Variants in BDH1 observed in about 807,000 individuals in gnomAD.
BDH1 encodes the protein D-beta-hydroxybutyrate dehydrogenase, mitochondrial.
In BDH1, 30 loss-of-function variants were observed where a neutral mutation model predicts 33.1. That is an observed-to-expected ratio of 0.91 (90% confidence interval 0.68 to 1.23). BDH1 has a LOEUF of 1.23. Ranked by LOEUF, BDH1 falls within the 50% of genes most tolerant of loss-of-function variation. The probability of loss-of-function intolerance (pLI) is 0.00; values close to 1 mark genes in which losing one functional copy is unlikely to be tolerated. For synonymous variants in BDH1, 190 were observed against 183.6 expected (o/e 1.03, Z -0.28); for missense variants, 443 against 464.4 (o/e 0.95, Z 0.42).
intron 3 of BDH1, chr3:197,538,310 TC>T (rs1366404954): frequency 4.4e-6 from 2 of 456,482 alleles, no homozygotes; most frequent in Non-Finnish European, 8.8e-6. Context: ...ACTTACCTTT[TC>T]TGTATACCAT....
chr3:197,565,175 G>A (rs1045265806), intron 1 of BDH1, among the ~76,000 whole-genome samples: 4 of 152,258 alleles, frequency 2.6e-5, no homozygotes, highest in African/African-American at 9.6e-5. Context: ...ACCTGCCTTG[G>A]CCTCCCAAAG....
chr3:197,510,684 G>GTGTGTGTGTGTGTGTGT lies in BDH1; in HGVS notation c.*1210_*1211insACACACACACACACACA, dbSNP rs1560296905. 5.5e-4 allele frequency: 32 copies of GTGTGTGTGTGTGTGTGT among 58,710 alleles called. 2 individuals are homozygous for GTGTGTGTGTGTGTGTGT. Among genetic ancestry groups the GTGTGTGTGTGTGTGTGT allele is most frequent in the African/African-American group, 1.2e-3 (16 of 13,010 alleles). The allele number at this position is 58,710 out of a possible 1,614,324, so 3.6% of individuals were successfully genotyped here. On this transcript the variant is annotated 3_prime_UTR_variant, in exon 8 of 8. Coordinates refer to ENST00000392379, the MANE Select transcript of BDH1 (RefSeq NM_203314.3). The stretch of plus-strand genomic sequence containing the variant: ...TGTGTGTGTGTGTACATGTGTGTAA[G>GTGTGTGTGTGTGTGTGT]GTGTGTGTGTGTGTGTGTGTGTGTG...
chr3:197,524,046 G>A (rs1044281669), intron 5 of BDH1, among the ~76,000 whole-genome samples: 2 of 152,172 alleles, frequency 1.3e-5, no homozygotes, highest in Non-Finnish European at 2.9e-5. Context: ...GCTTTGTCAC[G>A]TGCACCCTCG....
At chr3:197,570,550 G>A (rs754056794) in intron 1 of BDH1, among the ~76,000 whole-genome samples, 2 of 152,222 alleles carry the variant, frequency 1.3e-5, no homozygotes, top group Non-Finnish European at 2.9e-5. Flanking sequence ...GGCACCCTAC[G>A]TCCCAGCTGC....
At position 197,554,109 on chromosome 3, in the gene BDH1, C is replaced by T. The variant is rs1278254820; in HGVS notation, c.-44+453G>A. On this transcript the variant is annotated intron_variant, in intron 2 of 7. Coordinates refer to ENST00000392379, the MANE Select transcript of BDH1 (RefSeq NM_203314.3). The surrounding 1 kb of genome is among the most constrained non-coding windows in gnomAD (Gnocchi z 4.4). The stretch of plus-strand genomic sequence containing the variant: ...AACAAGCCCTGTACTTTCCAATTTT[C>T]GAGCCTTGCTCATCCTATACCAAAC... 1.3e-5 allele frequency among the ~76,000 whole-genome samples: 2 copies of T among 152,220 alleles called. No homozygotes were observed. Among genetic ancestry groups the T allele is most frequent in the African/African-American group, 2.4e-5 (1 of 41,462 alleles).
chr3:197,527,933 C>G (rs924113170), intron 5 of BDH1, among the ~76,000 whole-genome samples: 3 of 152,192 alleles, frequency 2.0e-5, no homozygotes, highest in African/African-American at 7.2e-5. Flanking sequence ...GACACCCCGT[C>G]CACCATGCTT....
At chr3:197,546,192 G>T in intron 3 of BDH1, 169 bp downstream of exon 3, 1 of 618,272 alleles carries the variant, frequency 1.6e-6, no homozygotes, top group Non-Finnish European at 2.9e-6. Context: ...GTGTGCCCTG[G>T]GAAAATGTCT....
intron 1 of BDH1, among the ~76,000 whole-genome samples, chr3:197,562,738 A>G (rs1052986714): frequency 6.6e-6 from 1 of 152,048 alleles, no homozygotes; most frequent in Non-Finnish European, 1.5e-5. Context: ...CCTAGGCCAC[A>G]GCTCAATTCT....
intron 1 of BDH1, among the ~76,000 whole-genome samples, chr3:197,571,801 G>A (rs1219861973): frequency 6.6e-6 from 1 of 152,224 alleles, no homozygotes; most frequent in Admixed American, 6.5e-5. Flanking sequence ...AGTAGTTCAT[G>A]CCTGTAATCT....
intron 3 of BDH1, chr3:197,546,102 A>G (rs1716054673): frequency 2.9e-6 from 1 of 346,084 alleles, no homozygotes; most frequent in Non-Finnish European, 5.4e-6. Context: ...ACGCCACTGC[A>G]CTCCAGCCTG....
At chr3:197,558,842 C>T (rs1405392770), upstream of BDH1, among the ~76,000 whole-genome samples, 2 of 152,150 alleles carry the variant, frequency 1.3e-5, no homozygotes, top group African/African-American at 2.4e-5. Context: ...ACACTGGCAC[C>T]GCTCTCTAGC....
At position 197,509,972 on chromosome 3, in the gene BDH1, C is replaced by G. The variant is rs7433302; in HGVS notation, c.*1923G>C. 0.36 allele frequency: 54,461 copies of G among 152,300 alleles called. 10,259 individuals carry two copies. The highest frequency in any genetic ancestry group is 0.49 in the Middle Eastern group (144 of 296). The allele number at this position is 152,300 out of a possible 1,614,324, so 9.4% of individuals were successfully genotyped here. A position where few individuals can be genotyped will look rare whatever the true frequency, so the allele number is the denominator to read the frequency against. ...GGTTTCGGCCCTGCCTGCCTCCCCCCCTCCTCCTGGGGCAGCTGGGACAGG... is the reference window on the plus strand; with the variant it reads ...GGTTTCGGCCCTGCCTGCCTCCCCCGCTCCTCCTGGGGCAGCTGGGACAGG... On this transcript the variant is annotated 3_prime_UTR_variant, in exon 8 of 8. Transcript: ENST00000392379.
chr3:197,522,574 G>T lies in BDH1; in HGVS notation c.409+66C>A. 6.3e-7 allele frequency: 1 copy of T among 1,594,178 alleles called. No homozygotes were observed. The highest frequency in any genetic ancestry group is 8.6e-7 in the Non-Finnish European group (1 of 1,169,238). On this transcript the variant is annotated intron_variant, in intron 6 of 7. Transcript: ENST00000392379. This position sits in a 1 kb window ranked among gnomAD's most constrained non-coding sequence, Gnocchi z 4.8. Reference sequence around the variant, plus strand: ...GCAGGATGCCAGCCAGTGGAAGGTGGTGTTCGGCAAGTGCCCCTTGGAATG... The same window carrying T: ...GCAGGATGCCAGCCAGTGGAAGGTGTTGTTCGGCAAGTGCCCCTTGGAATG...
At position 197,522,622 on chromosome 3, in the gene BDH1, T is replaced by C. The variant is rs759203772; in HGVS notation, c.409+18A>G. On this transcript the variant is annotated intron_variant, in intron 6 of 7. Transcript: ENST00000392379. This position sits in a 1 kb window ranked among gnomAD's most constrained non-coding sequence, Gnocchi z 4.8. Reference sequence around the variant, plus strand: ...ATGGCCCCATACACAACCCCTGCCGTCCGAAGGGGCGCCCTACCTTTCTCA... The same window carrying C: ...ATGGCCCCATACACAACCCCTGCCGCCCGAAGGGGCGCCCTACCTTTCTCA... The C allele has an allele frequency of 6.2e-7, 1 of 1,613,672 alleles. No homozygotes were observed. The highest frequency in any genetic ancestry group is 1.1e-5 in the South Asian group (1 of 91,018).
intron 1 of BDH1, among the ~76,000 whole-genome samples, chr3:197,561,295 C>T (rs1176723753): frequency 1.3e-5 from 2 of 152,060 alleles, no homozygotes; most frequent in African/African-American, 2.4e-5. Context: ...CCTTGATCTC[C>T]CCAAATTTGG....
At chr3:197,513,659 G>A (rs185661309) in intron 7 of BDH1, among the ~76,000 whole-genome samples, 92 of 152,342 alleles carry the variant, frequency 6.0e-4, no homozygotes, top group African/African-American at 2.1e-3. Flanking sequence ...TGCAGTCTGT[G>A]TTCATGCTTG....
intron 1 of BDH1, among the ~76,000 whole-genome samples, chr3:197,567,807 G>A (rs1488839305): frequency 2.0e-5 from 3 of 152,172 alleles, no homozygotes; most frequent in African/African-American, 7.2e-5. Flanking sequence ...TAGAAGTCCT[G>A]TAAGTCTTCT....
At chr3:197,572,570 C>T (rs759144561) in intron 1 of BDH1, among the ~76,000 whole-genome samples, 6 of 152,100 alleles carry the variant, frequency 3.9e-5, no homozygotes, top group South Asian at 2.1e-4. Flanking sequence ...ATAAGCAGCC[C>T]GACCCTCAGT....
In BDH1 at chr3:197,520,931, C is replaced by T. The variant is rs193064338; in HGVS notation, c.409+1709G>A. 1.3e-5 allele frequency among the ~76,000 whole-genome samples: 2 copies of T among 152,212 alleles called. No homozygotes were observed. Among genetic ancestry groups the T allele is most frequent in the Admixed American group, 6.5e-5 (1 of 15,280 alleles). On this transcript the variant is annotated intron_variant, in intron 6 of 7. Transcript: ENST00000392379. The surrounding 1 kb of genome is among the most constrained non-coding windows in gnomAD (Gnocchi z 6.0). Reference sequence around the variant, plus strand: ...GAATGGCCTGTTGGGAGGATGGGAGCGACAGTGGGCTGATGAGGTGGCACA... The same window carrying T: ...GAATGGCCTGTTGGGAGGATGGGAGTGACAGTGGGCTGATGAGGTGGCACA...
Sources: allele counts gnomAD v4.1 joint callset (sites outside exome capture counted in the v4.1 genomes callset), GRCh38; gene constraint gnomAD v4.1.1; non-coding constraint Gnocchi (gnomAD v3.1); transcripts MANE v1.5; gene names NCBI Gene and HGNC (gene_info 2026-07-23, HGNC 2026-07-21).